The following CCDC171 variants were observed in gnomAD, a reference collection of about 807,000 sequenced individuals.
CCDC171 encodes coiled-coil domain-containing protein 171.
CCDC171 carries 177 observed loss-of-function variants against 168.2 expected under a neutral mutation model. That is an observed-to-expected ratio of 1.05 (90% CI 0.93 to 1.19). The LOEUF is 1.19. Among genes scored for constraint, CCDC171 ranks in the 50% most tolerant of loss-of-function variants. The pLI is 0.00. For synonymous variants in CCDC171, 687 were observed against 540.8 expected, an observed-to-expected ratio of 1.27 and a Z score of -3.75; for missense variants, 1,991 against 1,539.0, an observed-to-expected ratio of 1.29 and a Z score of -4.91.
At chr9:15,608,506 G>T (rs1243668073) in intron 6 of CCDC171, among the ~76,000 whole-genome samples, 1 of 152,074 alleles carries the variant, frequency 6.6e-6, no homozygotes, top group Non-Finnish European at 1.5e-5. Context: ...TAGGATATGT[G>T]TGAAATTGTA....
At chr9:15,877,556 C>T (rs1471452072) in intron 24 of CCDC171, among the ~76,000 whole-genome samples, 1 of 152,038 alleles carries the variant, frequency 6.6e-6, no homozygotes, top group Non-Finnish European at 1.5e-5. Context: ...ATAGGATGTT[C>T]CAATGAGGCC....
At chr9:16,008,843 T>C (rs1832780275) in intron 3 of CCDC171, among the ~76,000 whole-genome samples, 1 of 152,138 alleles carries the variant, frequency 6.6e-6, no homozygotes, top group Non-Finnish European at 1.5e-5. Flanking sequence ...TGGGTTCCAC[T>C]CGCTATGCCC....
chr9:15,683,549 T>G (rs917752216), intron 10 of CCDC171, among the ~76,000 whole-genome samples: 2 of 152,052 alleles, frequency 1.3e-5, no homozygotes, highest in African/African-American at 4.8e-5. Flanking sequence ...AATATAAATA[T>G]CACTTTCCGT....
intron 6 of CCDC171, among the ~76,000 whole-genome samples, chr9:16,024,322 C>G (rs1833233558): frequency 6.6e-6 from 1 of 152,200 alleles, no homozygotes; most frequent in African/African-American, 2.4e-5. Flanking sequence ...CTACCTCAAA[C>G]TGGACCAGGC....
At chr9:15,914,191 T>G in intron 24 of CCDC171, among the ~76,000 whole-genome samples, 1 of 152,146 alleles carries the variant, frequency 6.6e-6, no homozygotes, top group East Asian at 1.9e-4. Flanking sequence ...GATCTGCTGC[T>G]CTCTTCAGAG....
At chr9:15,960,005 T>C (rs1253443756) in intron 25 of CCDC171, among the ~76,000 whole-genome samples, 2 of 152,082 alleles carry the variant, frequency 1.3e-5, no homozygotes, top group African/African-American at 4.8e-5. Context: ...GCAGACCCTG[T>C]TGGAGGGATT....
At chr9:15,806,368 G>T (rs1042783368) in intron 21 of CCDC171, among the ~76,000 whole-genome samples, 12 of 152,246 alleles carry the variant, frequency 7.9e-5, no homozygotes, top group African/African-American at 2.9e-4. Flanking sequence ...GTAGTTGCTG[G>T]TAATGGTTTT....
intron 14 of CCDC171, among the ~76,000 whole-genome samples, chr9:15,726,362 A>G (rs2053800974): frequency 6.6e-6 from 1 of 152,206 alleles, no homozygotes; most frequent in Admixed American, 6.5e-5. Flanking sequence ...AGCAAAAAGG[A>G]CATAATAGCG....
intron 11 of CCDC171, among the ~76,000 whole-genome samples, chr9:15,703,897 A>C (rs1321551087): frequency 6.6e-6 from 1 of 152,212 alleles, no homozygotes; most frequent in African/African-American, 2.4e-5. Context: ...GGTGTCCCAA[A>C]ACAATTACAA....
intron 4 of CCDC171, among the ~76,000 whole-genome samples, 180 bp from the exon 5 acceptor site, chr9:15,591,184 CTG>C (rs1402947793): frequency 6.6e-6 from 1 of 152,040 alleles, no homozygotes; most frequent in East Asian, 1.9e-4. Flanking sequence ...GATTTAGAGA[CTG>C]TGAGCTTTTC....
At chr9:15,746,396 G>A (rs1423249528) in intron 18 of CCDC171, among the ~76,000 whole-genome samples, 2 of 152,188 alleles carry the variant, frequency 1.3e-5, no homozygotes, top group African/African-American at 4.8e-5. Context: ...CTAGACTTTT[G>A]TAGTAGGAAA....
At chr9:16,076,699 C>G in the CCDC171 span, among the ~76,000 whole-genome samples, 9 of 152,168 alleles carry the variant, frequency 5.9e-5, no homozygotes, top group Admixed American at 3.9e-4. Flanking sequence ...TATTAGAAAC[C>G]TCAGGCCCCA....
chr9:15,917,605 A>AT (rs1188890284), intron 24 of CCDC171, among the ~76,000 whole-genome samples: 1 of 151,800 alleles, frequency 6.6e-6, no homozygotes, highest in Non-Finnish European at 1.5e-5. Flanking sequence ...TTACTTCTCA[A>AT]AAAATTTATT....
chr9:15,795,888 TA>T (rs1190333049), intron 21 of CCDC171, among the ~76,000 whole-genome samples: 1 of 152,212 alleles, frequency 6.6e-6, no homozygotes, highest in Non-Finnish European at 1.5e-5. Context: ...ATTTAATCTT[TA>T]AAATGGTACA....
intron 21 of CCDC171, among the ~76,000 whole-genome samples, chr9:15,786,641 T>G (rs2057972465): frequency 6.6e-6 from 1 of 152,146 alleles, no homozygotes; most frequent in Non-Finnish European, 1.5e-5. Context: ...CCTGCACATA[T>G]ATGTCCAGAT....
intron 24 of CCDC171, among the ~76,000 whole-genome samples, chr9:15,914,593 C>T (rs1191046143): frequency 2.4e-4 from 36 of 152,114 alleles, no homozygotes; most frequent in Non-Finnish European, 1.5e-5. Flanking sequence ...TCCATGGGGG[C>T]GGTCTCTTCT....
intron 4 of CCDC171, among the ~76,000 whole-genome samples, chr9:15,579,883 T>C (rs569366825): frequency 1.3e-5 from 2 of 152,316 alleles, no homozygotes; most frequent in African/African-American, 4.8e-5. Flanking sequence ...ATTTGAGTAG[T>C]GTCCAATTTT....
At chr9:15,655,405 A>G (rs1319798047) in intron 7 of CCDC171, among the ~76,000 whole-genome samples, 1 of 152,150 alleles carries the variant, frequency 6.6e-6, no homozygotes, top group Non-Finnish European at 1.5e-5. Context: ...TCTGTCCCGA[A>G]CAGATTCTTG....
At chr9:15,681,476 G>A (rs2050038788) in intron 10 of CCDC171, among the ~76,000 whole-genome samples, 1 of 151,564 alleles carries the variant, frequency 6.6e-6, no homozygotes, top group East Asian at 1.9e-4. Context: ...AACTTTTTCT[G>A]TTTTATGCTT....
Sources: allele counts gnomAD v4.1 joint callset (sites outside exome capture counted in the v4.1 genomes callset), GRCh38; gene constraint gnomAD v4.1.1; transcripts MANE v1.5; gene names NCBI Gene and HGNC (gene_info 2026-07-23, HGNC 2026-07-21).